Variants in SPICE1 observed in about 807,000 individuals in gnomAD.
SPICE1 encodes spindle and centriole-associated protein 1.
Under a neutral mutation model 102.7 loss-of-function variants are expected in SPICE1, and 75 were observed. The ratio of observed to expected loss-of-function variants is 0.73; its 90% CI spans 0.61 to 0.88. SPICE1 has a LOEUF of 0.88. SPICE1 is among the 40% of genes least tolerant of loss of function. The pLI is 0.00. For synonymous variants in SPICE1, 308 were observed against 350.3 expected, an observed-to-expected ratio of 0.88 and a Z score of 1.35; for missense variants, 979 against 1,020.1, an observed-to-expected ratio of 0.96 and a Z score of 0.55.
intron 7 of SPICE1, among the ~76,000 whole-genome samples, chr3:113,474,269 G>A (rs1936283459): frequency 6.6e-6 from 1 of 152,024 alleles, no homozygotes; most frequent in Non-Finnish European, 1.5e-5. Context: ...CAATACAGGA[G>A]CACCCAGATT....
rs761157972 is a variant in SPICE1, at chr3:113,447,997, T to C, written c.2426+41A>G. ...GAATAAAATACATACCAAATTCTTT[T>C]TGATTTTTTTTTTTAAATAAATATT... On this transcript the variant is annotated intron_variant, in intron 16 of 17. Coordinates refer to ENST00000295872, the MANE Select transcript of SPICE1 (RefSeq NM_144718.4). The C allele has an allele frequency of 3.2e-6, 5 of 1,545,702 alleles. No homozygotes were observed. The South Asian group carries it at 6.1e-5, about 19-fold the overall frequency.
chr3:113,491,716 T>C (rs1411621398), intron 6 of SPICE1, among the ~76,000 whole-genome samples: 1 of 151,274 alleles, frequency 6.6e-6, no homozygotes, highest in Non-Finnish European at 1.5e-5. Context: ...TATTCAGGTA[T>C]CCTCTCTCTC....
intron 7 of SPICE1, among the ~76,000 whole-genome samples, chr3:113,483,521 C>T (rs567689749): frequency 1.3e-5 from 2 of 152,158 alleles, no homozygotes; most frequent in African/African-American, 4.8e-5. Context: ...GGGTTGGTCA[C>T]AAATAGCTCT....
intron 1 of SPICE1, among the ~76,000 whole-genome samples, chr3:113,513,942 A>G (rs1047071780): frequency 6.6e-6 from 1 of 152,238 alleles, no homozygotes; most frequent in Non-Finnish European, 1.5e-5. Flanking sequence ...TATTTACAAC[A>G]AAAGGGCAGC....
At chr3:113,497,280 C>G (rs1936913142) in intron 4 of SPICE1, among the ~76,000 whole-genome samples, 4 of 152,212 alleles carry the variant, frequency 2.6e-5, no homozygotes, top group Admixed American at 6.5e-5. Context: ...TACCACTTTC[C>G]TCTCAACTGT....
Position 113,465,650 on chromosome 3 carries a change from T to C in SPICE1, c.1287+3A>G. 1 of 1,612,088 alleles carries C rather than the reference T, an allele frequency of 6.2e-7. No homozygotes were observed. Among genetic ancestry groups the C allele is most frequent in the Non-Finnish European group, 8.5e-7 (1 of 1,179,498 alleles). On this transcript the variant is annotated splice_donor_region_variant and intron_variant, in intron 11 of 17. Transcript: ENST00000295872. ...CATAAAAATTGGGATCTCATCTGAG[T>C]ACCTGTGTAGCAGCGTTTTCTTCTC...
At chr3:113,491,781 G>A (rs1276246171) in intron 6 of SPICE1, among the ~76,000 whole-genome samples, 2 of 151,990 alleles carry the variant, frequency 1.3e-5, no homozygotes, top group African/African-American at 2.4e-5. Context: ...TCACATCACT[G>A]TTTTTCATCT....
intron 7 of SPICE1, among the ~76,000 whole-genome samples, chr3:113,482,255 GGTT>G (rs1340536953): frequency 6.6e-6 from 1 of 151,904 alleles, no homozygotes; most frequent in Non-Finnish European, 1.5e-5. Flanking sequence ...TTTTTGATGG[GGTT>G]GTTTTTTTCT....
intron 14 of SPICE1, among the ~76,000 whole-genome samples, chr3:113,453,138 C>T (rs1294555583): frequency 1.3e-5 from 2 of 152,182 alleles, no homozygotes; most frequent in Non-Finnish European, 1.5e-5. Flanking sequence ...TTTCAATTAA[C>T]ATGTGGCTGT....
intron 14 of SPICE1, among the ~76,000 whole-genome samples, chr3:113,452,601 T>A (rs1935680683): frequency 6.6e-6 from 1 of 152,054 alleles, no homozygotes; most frequent in South Asian, 2.1e-4. Context: ...GCAGAATCGC[T>A]TGAACCCAGG....
At chr3:113,466,619 A>AG (rs1412604488) in intron 10 of SPICE1, among the ~76,000 whole-genome samples, 1 of 152,042 alleles carries the variant, frequency 6.6e-6, no homozygotes, top group East Asian at 1.9e-4. Context: ...AAAAAAAAAA[A>AG]AAAAAGTACA....
chr3:113,487,090 C>G (rs1389834788), intron 7 of SPICE1, among the ~76,000 whole-genome samples: 13 of 152,000 alleles, frequency 8.6e-5, no homozygotes, highest in African/African-American at 3.1e-4. Context: ...GCAAATGAAC[C>G]TAATTATATT....
intron 3 of SPICE1, among the ~76,000 whole-genome samples, chr3:113,501,585 A>G (rs1313499945): frequency 6.6e-6 from 1 of 152,196 alleles, no homozygotes; most frequent in African/African-American, 2.4e-5. Context: ...AAATAATCCA[A>G]TTTTTAAATG....
At chr3:113,459,355 C>A (rs569789064) in intron 12 of SPICE1, 1 of 571,116 alleles carries the variant, frequency 1.8e-6, no homozygotes, top group South Asian at 7.8e-5. Flanking sequence ...CTTCCCTCCA[C>A]TATTGTCCTA....
chr3:113,452,097 A>G (rs1935666236), intron 14 of SPICE1, among the ~76,000 whole-genome samples: 1 of 152,078 alleles, frequency 6.6e-6, no homozygotes, highest in Non-Finnish European at 1.5e-5. Context: ...TCTTTTATAA[A>G]CCCTCCCTAG....
intron 12 of SPICE1, chr3:113,459,873 C>T (rs1332830420): frequency 2.0e-6 from 2 of 981,152 alleles, no homozygotes; most frequent in Non-Finnish European, 1.2e-6. Context: ...CAGAGCGAAA[C>T]TCCATCTCAA....
intron 16 of SPICE1, among the ~76,000 whole-genome samples, chr3:113,446,926 G>C (rs2129430): frequency 0.5 from 75,959 of 151,932 alleles, 19,692 homozygotes; most frequent in East Asian, 0.7. Flanking sequence ...CCCAGAATTC[G>C]CCCATGTTGT....
In SPICE1 at chr3:113,493,239, T is replaced by C. The variant is rs146071736; in HGVS notation, c.459A>G (p.Gln153=). 4.7e-4 allele frequency: 758 copies of C among 1,611,266 alleles called. No individual in the cohort carries two copies. Among genetic ancestry groups the C allele is most frequent in the Non-Finnish European group, 6.2e-4 (728 of 1,178,970 alleles). Residue 153 remains glutamine (Q), a synonymous_variant, in exon 6 of 18, where the codon CAA becomes CAG. Coordinates refer to ENST00000295872, the MANE Select transcript of SPICE1 (RefSeq NM_144718.4). ...CTATGACAGACTCATTAAAGATAGA[T>C]TGGGTGATAGGGTCTTGATTTACCA... ...PIVVNQDPIT[Q]SIFNESVIEP...
chr3:113,499,575 C>T lies in SPICE1; in HGVS notation c.155G>A (p.Arg52His), dbSNP rs775386994. The T allele has an allele frequency of 1.2e-5, 20 of 1,608,246 alleles. No homozygotes were observed. Among genetic ancestry groups the T allele is most frequent in the African/African-American group, 4.0e-5 (3 of 74,484 alleles). ...ATTCTTCGATTTGTGTATTTCATGACGGCGTACCTATACAGAAGAGAAAAG... is the reference window on the plus strand; with the variant it reads ...ATTCTTCGATTTGTGTATTTCATGATGGCGTACCTATACAGAAGAGAAAAG... ...HRATPEDLVR[R>H]HEIHKSKNRA... is the part of the protein sequence containing the mutation. Residue 52 changes from arginine to histidine, a missense_variant, in exon 4 of 18, where the codon CGT becomes CAT. Coordinates refer to ENST00000295872, the MANE Select transcript of SPICE1 (RefSeq NM_144718.4).
Sources: allele counts gnomAD v4.1 joint callset (sites outside exome capture counted in the v4.1 genomes callset), GRCh38; gene constraint gnomAD v4.1.1; transcripts MANE v1.5; gene names NCBI Gene and HGNC (gene_info 2026-07-23, HGNC 2026-07-21).